The following CACNA1G variants were observed in gnomAD, a reference collection of about 807,000 sequenced individuals.
The protein encoded by CACNA1G is voltage-dependent T-type calcium channel subunit alpha-1G.
A neutral mutation model predicts 219.4 loss-of-function variants in CACNA1G; 67 were observed. The observed-to-expected ratio is 0.31, with a 90% confidence interval of 0.25 to 0.37. The LOEUF (loss-of-function observed/expected upper bound fraction) is 0.37, where lower values mean the gene tolerates loss of function less well. Among genes scored for constraint, CACNA1G ranks in the 10% least tolerant of loss-of-function variants. CACNA1G has a pLI of 1.00. For missense variants in CACNA1G, 2,380 were observed against 3,231.4 expected, an observed-to-expected ratio of 0.74 and a Z score of 6.39; for synonymous variants, 1,296 against 1,345.3, an observed-to-expected ratio of 0.96 and a Z score of 0.80.
chr17:50,600,849 G>T lies in CACNA1G; in HGVS notation c.3791+23G>T. 1 of 1,604,320 alleles carries T rather than the reference G, an allele frequency of 6.2e-7. No individual in the cohort carries two copies. Among genetic ancestry groups the T allele is most frequent in the Non-Finnish European group, 8.5e-7 (1 of 1,171,432 alleles). On this transcript the variant is annotated intron_variant, in intron 18 of 37. Coordinates refer to ENST00000359106, the MANE Select transcript of CACNA1G (RefSeq NM_018896.5). This position sits in a 1 kb window ranked among gnomAD's most constrained non-coding sequence, Gnocchi z 4.1. ...CAGGTAAGTGACAGGGCAGGGGTCT[G>T]ACCTGTGTCCCGACCTCTTCTTCTC...
intron 34 of CACNA1G, among the ~76,000 whole-genome samples, chr17:50,620,342 G>T (rs2051534076): frequency 6.6e-6 from 1 of 152,224 alleles, no homozygotes; most frequent in Non-Finnish European, 1.5e-5. Flanking sequence ...AGTGCTGTCA[G>T]GAGCCACTGA....
Position 50,571,987 on chromosome 17 carries a change from G to A in CACNA1G, c.696G>A (p.Leu232=), listed in dbSNP as rs761893460. Residue 232 remains leucine, a synonymous_variant, in exon 5 of 38, where the codon CTG becomes CTA. Transcript: ENST00000359106. This position sits in a 1 kb window ranked among gnomAD's most constrained non-coding sequence, Gnocchi z 4.3. The part of the protein sequence containing the change: ...FFIFGIVGVQ[L]WAGLLRNRCF... ...TCTTCGGCATCGTCGGCGTCCAGCT[G>A]TGGGCAGGGCTGCTTCGGAACCGAT... 3 of 1,613,996 alleles carry A rather than the reference G, an allele frequency of 1.9e-6. No homozygotes were observed. The highest frequency in any genetic ancestry group is 1.1e-5 in the South Asian group (1 of 91,082).
At chr17:50,620,883 G>C (rs1334053936) in intron 34 of CACNA1G, among the ~76,000 whole-genome samples, 4 of 152,234 alleles carry the variant, frequency 2.6e-5, no homozygotes, top group African/African-American at 9.6e-5. Context: ...TGGGAGAAGA[G>C]GACACGATGG....
In CACNA1G at chr17:50,568,968, G is replaced by T; in HGVS notation, c.341G>T (p.Cys114Phe). 1 of 1,607,818 alleles carries T rather than the reference G, an allele frequency of 6.2e-7. No individual in the cohort carries two copies. ...GACATCGCCTGTGACTCCCAGCGCT[G>T]CCGGATCCTGCAGGTGAGTGTGTGT... is the stretch of plus-strand genomic sequence containing the variant. Reference protein sequence around the residue: ...CEDIACDSQRCRILQAFDDFI... With the variant: ...CEDIACDSQRFRILQAFDDFI... Residue 114 changes from cysteine (C) to phenylalanine (F), a missense_variant, in exon 2 of 38, where the codon TGC becomes TTC. Transcript: ENST00000359106.
In CACNA1G at chr17:50,600,965, C is replaced by G. The variant is rs1478448903; in HGVS notation, c.3792-86C>G. 1.3e-6 allele frequency: 2 copies of G among 1,588,564 alleles called. No individual in the cohort carries two copies. Among genetic ancestry groups the G allele is most frequent in the Non-Finnish European group, 1.7e-6 (2 of 1,163,924 alleles). The stretch of plus-strand genomic sequence containing the variant: ...CAGGGTGGCCTCAGCTGGGAGGGCA[C>G]TGGAGGGGCAGGGGCTGCGGGCGGT... On this transcript the variant is annotated intron_variant, in intron 18 of 37. Coordinates refer to ENST00000359106, the MANE Select transcript of CACNA1G (RefSeq NM_018896.5). The surrounding 1 kb of genome is among the most constrained non-coding windows in gnomAD (Gnocchi z 4.1).
chr17:50,562,584 T>C (rs901526320), intron 1 of CACNA1G, among the ~76,000 whole-genome samples: 4 of 151,954 alleles, frequency 2.6e-5, no homozygotes, highest in African/African-American at 9.7e-5. Context: ...AGAGCTTTTT[T>C]AGCAAGTGGG....
At chr17:50,609,458 G>A (rs991560199) in intron 25 of CACNA1G, among the ~76,000 whole-genome samples, 5 of 152,126 alleles carry the variant, frequency 3.3e-5, no homozygotes, top group South Asian at 2.1e-4. Flanking sequence ...TGTGGCCACC[G>A]TCCCACTCCT....
In CACNA1G at chr17:50,561,517, A is replaced by C; in HGVS notation, c.58A>C (p.Met20Leu). The change falls in exon 1 of 38, where the codon ATG (methionine) becomes CTG (leucine). Residue 20 changes from methionine to leucine, a missense_variant. Transcript: ENST00000359106. Reference sequence around the variant, plus strand: ...GGAGTCGGGACAGCCCCGGAGCTTCATGCGGCTCAACGACCTGTCGGGGGC... The same window carrying C: ...GGAGTCGGGACAGCCCCGGAGCTTCCTGCGGCTCAACGACCTGTCGGGGGC... ...AEESGQPRSF[M>L]RLNDLSGAGG... The C allele has an allele frequency of 6.5e-7, 1 of 1,537,066 alleles. No homozygotes were observed. The highest frequency in any genetic ancestry group is 8.7e-7 in the Non-Finnish European group (1 of 1,146,512).
rs2047032912 is a variant in CACNA1G at position 50,602,840 on chromosome 17, C to T, written c.3936C>T (p.Leu1312=). Residue 1312 remains leucine (L), a synonymous_variant, in exon 20 of 38, where the codon CTC becomes CTT. Transcript: ENST00000359106. ...TGCAGGAACGCATCTTCCTGACCCT[C>T]TCCAATTACATCTTCACCGCAGTCT... is the stretch of plus-strand genomic sequence containing the variant. ...PHSAERIFLT[L]SNYIFTAVFL... The T allele has an allele frequency of 6.2e-7, 1 of 1,613,800 alleles. No individual in the cohort carries two copies. The highest frequency in any genetic ancestry group is 1.7e-5 in the Admixed American group (1 of 59,990).
chr17:50,601,051 G>C lies in CACNA1G; in HGVS notation c.3792G>C (p.Arg1264Ser), dbSNP rs200024646. 3.1e-6 allele frequency: 5 copies of C among 1,613,676 alleles called. No individual in the cohort carries two copies. In the South Asian group the frequency reaches 3.3e-5, roughly 11 times the overall value. ...AGCCGTTGCCTCCATGCCTGGGCAG[G>C]TTCCGCCTCCTGTGTCACCGGATCA... ...WSAYIFPPQSRFRLLCHRIIT... is the reference protein window; with the variant it reads ...WSAYIFPPQSSFRLLCHRIIT... The change falls in exon 19 of 38, where the codon AGG becomes AGC. Residue 1264 changes from arginine (R) to serine (S), a missense_variant and splice_region_variant. Transcript: ENST00000359106.
At chr17:50,588,962 G>C (rs142726917) in intron 9 of CACNA1G, among the ~76,000 whole-genome samples, 1 of 152,258 alleles carries the variant, frequency 6.6e-6, no homozygotes, top group East Asian at 1.9e-4. Context: ...CTGGCTGCAG[G>C]CTTGGTTGGG....
intron 3 of CACNA1G, 112 bp downstream of exon 3, chr17:50,569,410 C>T: frequency 8.6e-7 from 1 of 1,161,936 alleles, no homozygotes; most frequent in Non-Finnish European, 1.3e-6. Context: ...GCACCACTTT[C>T]TCCCTGGCTA....
At chr17:50,592,726 C>A (rs1186389209) in intron 13 of CACNA1G, among the ~76,000 whole-genome samples, 1 of 152,228 alleles carries the variant, frequency 6.6e-6, no homozygotes, top group Non-Finnish European at 1.5e-5. Flanking sequence ...GCACCCCCTC[C>A]TCTCCCTCAG....
intron 35 of CACNA1G, among the ~76,000 whole-genome samples, chr17:50,622,641 C>G (rs2052445001): frequency 6.6e-6 from 1 of 152,180 alleles, no homozygotes; most frequent in Admixed American, 6.5e-5. Context: ...AGGGCCCCTA[C>G]AGCCTCCCTG....
intron 1 of CACNA1G, among the ~76,000 whole-genome samples, chr17:50,568,145 G>A (rs1183505226): frequency 6.6e-6 from 1 of 152,176 alleles, no homozygotes; most frequent in Non-Finnish European, 1.5e-5. Context: ...CTGTAGCAGC[G>A]GGGACTGCAG....
chr17:50,587,167 T>C (rs1555652821), intron 9 of CACNA1G, among the ~76,000 whole-genome samples: 1 of 152,016 alleles, frequency 6.6e-6, no homozygotes, highest in Non-Finnish European at 1.5e-5. Context: ...GTGGGGGCGA[T>C]GTTGTGGAAA....
chr17:50,596,511 A>C lies in CACNA1G; in HGVS notation c.2980-51A>C, dbSNP rs1598426087. 1 of 1,518,994 alleles carries C rather than the reference A, an allele frequency of 6.6e-7. No homozygotes were observed. The highest frequency in any genetic ancestry group is 1.1e-5 in the South Asian group (1 of 88,764). 94.1% of individuals were successfully genotyped at this position (1,518,994 alleles called of 1,614,324 possible). A position where few individuals can be genotyped will look rare whatever the true frequency, so the allele number is the denominator to read the frequency against. ...AGAGAGGGAGGCCCGGTCCATCCCA[A>C]CCACCCAAGCCTGGCCGGATCCCTA... On this transcript the variant is annotated intron_variant, in intron 14 of 37. Transcript: ENST00000359106. This position sits in a 1 kb window ranked among gnomAD's most constrained non-coding sequence, Gnocchi z 4.8.
At position 50,572,572 on chromosome 17, in the gene CACNA1G, G is replaced by A. The variant is rs1387231846; in HGVS notation, c.765G>A (p.Leu255=). ...ENFSLPLSVD[L]ERYYQTENED... Reference sequence around the variant, plus strand: ...CCTGCAGCCCCCTGAGCGTGGACCTGGAGCGCTATTACCAGACAGAGAACG... The same window carrying A: ...CCTGCAGCCCCCTGAGCGTGGACCTAGAGCGCTATTACCAGACAGAGAACG... The change falls in exon 6 of 38, where the codon CTG becomes CTA. Residue 255 remains leucine (L), a synonymous_variant. Coordinates refer to ENST00000359106, the MANE Select transcript of CACNA1G (RefSeq NM_018896.5). 1 of 1,560,312 alleles carries A rather than the reference G, an allele frequency of 6.4e-7. No homozygotes were observed. The highest frequency in any genetic ancestry group is 8.7e-7 in the Non-Finnish European group (1 of 1,152,532).
chr17:50,565,291 A>G (rs561584756), intron 1 of CACNA1G, among the ~76,000 whole-genome samples: 56 of 148,558 alleles, frequency 3.8e-4, no homozygotes, highest in African/African-American at 1.3e-3. Context: ...TGTGAGCTTC[A>G]GTTTTCAATT....
Sources: allele counts gnomAD v4.1 joint callset (sites outside exome capture counted in the v4.1 genomes callset), GRCh38; gene constraint gnomAD v4.1.1; non-coding constraint Gnocchi (gnomAD v3.1); transcripts MANE v1.5; gene names NCBI Gene and HGNC (gene_info 2026-07-23, HGNC 2026-07-21).